Variants in FNIP2 observed in about 807,000 individuals in gnomAD.
FNIP2 encodes folliculin interacting protein 2.
A neutral mutation model predicts 108.7 loss-of-function variants in FNIP2; 32 were observed. The observed-to-expected ratio is 0.29, with a 90% CI of 0.22 to 0.40. FNIP2 has a LOEUF of 0.40. FNIP2 is among the 10% of genes least tolerant of loss of function. The pLI, the probability that FNIP2 is intolerant of heterozygous loss-of-function variation, is 1.00. For missense variants in FNIP2, 1,202 were observed against 1,381.6 expected, an observed-to-expected ratio of 0.87 and a Z score of 2.06; for synonymous variants, 480 against 496.7, an observed-to-expected ratio of 0.97 and a Z score of 0.45.
At chr4:158,786,679 G>T (rs911393246) in intron 1 of FNIP2, among the ~76,000 whole-genome samples, 2 of 152,122 alleles carry the variant, frequency 1.3e-5, no homozygotes, top group African/African-American at 4.8e-5. Flanking sequence ...AAAAAAAACA[G>T]CTCGGTTTGG....
In FNIP2 at chr4:158,868,098, C is replaced by G. The variant is rs752220453; in HGVS notation, c.1466-4C>G. On this transcript the variant is annotated splice_polypyrimidine_tract_variant and splice_region_variant and intron_variant, in intron 12 of 16. Transcript: ENST00000264433. The surrounding 1 kb of genome is among the most constrained non-coding windows in gnomAD (Gnocchi z 4.6). ...CTGCCTTTGTGTCCACCTTTGCTCT[C>G]TAGGTGATCTTTACGGAGCCATAGG... 1.1e-5 allele frequency: 17 copies of G among 1,612,900 alleles called. No individual in the cohort carries two copies. In the African/African-American group the frequency reaches 1.3e-4, roughly 13 times the overall value.
chr4:158,882,184 C>T (rs1312609904), intron 14 of FNIP2, among the ~76,000 whole-genome samples: 1 of 151,280 alleles, frequency 6.6e-6, no homozygotes, highest in South Asian at 2.1e-4. Flanking sequence ...AGCCCCTCCG[C>T]CCAGCAGCCG....
chr4:158,788,685 A>G (rs1560754700), intron 1 of FNIP2, among the ~76,000 whole-genome samples: 1 of 152,236 alleles, frequency 6.6e-6, no homozygotes, highest in African/African-American at 2.4e-5. Context: ...TTCTTTAAGA[A>G]AAAGTAGGTT....
At chr4:158,842,138 ATATTTATC>A (rs1419598088) in intron 7 of FNIP2, among the ~76,000 whole-genome samples, 1 of 152,114 alleles carries the variant, frequency 6.6e-6, no homozygotes, top group Non-Finnish European at 1.5e-5. Context: ...CCTGGCATGG[ATATTTATC>A]TTTTTCATTT....
intron 15 of FNIP2, among the ~76,000 whole-genome samples, chr4:158,892,849 A>G (rs1782370987): frequency 6.6e-6 from 1 of 152,230 alleles, no homozygotes; most frequent in South Asian, 2.1e-4. Flanking sequence ...CAAAGCAGGA[A>G]GTTTTTAAAT....
At chr4:158,789,824 T>TATTA (rs1776345981) in intron 1 of FNIP2, among the ~76,000 whole-genome samples, 3 of 20,104 alleles carry the variant, frequency 1.5e-4, no homozygotes. Context: ...AGGGTTGTGG[T>TATTA]AGCCTGGCAG....
chr4:158,792,253 G>C (rs1307174446), intron 1 of FNIP2, among the ~76,000 whole-genome samples: 3 of 152,170 alleles, frequency 2.0e-5, no homozygotes, highest in Non-Finnish European at 4.4e-5. Context: ...TATGCAGAGT[G>C]GCAAAATATT....
intron 1 of FNIP2, among the ~76,000 whole-genome samples, chr4:158,783,648 A>G (rs1273349874): frequency 6.6e-6 from 1 of 152,012 alleles, no homozygotes; most frequent in East Asian, 1.9e-4. Flanking sequence ...TCCGTTCACC[A>G]TCAGATTAGT....
intron 14 of FNIP2, among the ~76,000 whole-genome samples, chr4:158,875,204 A>G (rs1334574058): frequency 6.6e-6 from 1 of 152,132 alleles, no homozygotes; most frequent in Non-Finnish European, 1.5e-5. Context: ...GAATGATTGA[A>G]CAGAACCTGT....
Position 158,868,779 on chromosome 4 carries a change from G to T in FNIP2, c.2143G>T (p.Glu715Ter). Reference protein sequence around the residue: ...DRHLREKPSLEKVTFQIGSFA... With the variant: ...DRHLREKPSL ...ACATCTCCGGGAGAAACCTTCCTTA[G>T]AAAAGGTCACTTTCCAGATTGGAAG... is the stretch of plus-strand genomic sequence containing the variant. Residue 715 changes from glutamate (E) to a stop codon, truncating the protein, a stop_gained, in exon 13 of 17, where the codon GAA becomes TAA. Coordinates refer to ENST00000264433, the MANE Select transcript of FNIP2 (RefSeq NM_020840.3). LOFTEE classifies it high-confidence loss of function. This position sits in a 1 kb window ranked among gnomAD's most constrained non-coding sequence, Gnocchi z 4.6. 6.2e-7 allele frequency: 1 copy of T among 1,613,804 alleles called. No homozygotes were observed. Among genetic ancestry groups the T allele is most frequent in the East Asian group, 2.2e-5 (1 of 44,882 alleles).
Position 158,870,305 on chromosome 4 carries a change from T to C in FNIP2, c.2793-8T>C, listed in dbSNP as rs769477425. On this transcript the variant is annotated splice_polypyrimidine_tract_variant and splice_region_variant and intron_variant, in intron 13 of 16. Coordinates refer to ENST00000264433, the MANE Select transcript of FNIP2 (RefSeq NM_020840.3). ...CTGTGCATTTTAATGGGCCACATGT[T>C]GTTTTAGGTCTCAGAGCATCAGCAC... is the stretch of plus-strand genomic sequence containing the variant. 2.5e-6 allele frequency: 4 copies of C among 1,610,302 alleles called. No individual in the cohort carries two copies. In the African/African-American group the frequency reaches 4.0e-5, roughly 16 times the overall value.
rs554712576 is a variant in FNIP2 at position 158,779,794 on chromosome 4, C to G, written c.107+10475C>G. ...GGGGTGGTCTCACTGTGTTGCCCAG[C>G]GTAGTCTTGAACTCCAGGGCTCAAG... is the stretch of plus-strand genomic sequence containing the variant. On this transcript the variant is annotated intron_variant, in intron 1 of 16. Coordinates refer to ENST00000264433, the MANE Select transcript of FNIP2 (RefSeq NM_020840.3). Among the ~76,000 whole-genome samples, 3 of 149,206 alleles carry G rather than the reference C, an allele frequency of 2.0e-5. No homozygotes were observed. In the East Asian group the frequency reaches 5.9e-4, roughly 29 times the overall value.
rs34074378 is a variant in FNIP2 at position 158,866,221 on chromosome 4, C to CTTTT, written c.1466-1869_1466-1866dup. On this transcript the variant is annotated intron_variant, in intron 12 of 16. Transcript: ENST00000264433. ...GATTTGTTCCAATATTCTGGTTATT[C>CTTTT]TTTTTTTTTTTTTTTGAGACAGAGT... 1.2e-4 allele frequency among the ~76,000 whole-genome samples: 7 copies of CTTTT among 59,764 alleles called. 2 individuals are homozygous for CTTTT. The highest frequency in any genetic ancestry group is 1.0e-3 in the Admixed American group (3 of 2,886). 39.2% of individuals were successfully genotyped at this position (59,764 alleles called of 152,430 possible).
chr4:158,855,649 T>C (rs1409872203), intron 8 of FNIP2, among the ~76,000 whole-genome samples: 4 of 152,136 alleles, frequency 2.6e-5, no homozygotes, highest in Non-Finnish European at 5.9e-5. Flanking sequence ...AGTTTCACCA[T>C]GTTGGCCAGG....
chr4:158,825,658 T>C (rs1458848907), intron 1 of FNIP2, among the ~76,000 whole-genome samples: 1 of 152,256 alleles, frequency 6.6e-6, no homozygotes, highest in East Asian at 1.9e-4. Context: ...AAGCTTTCTC[T>C]CCAGTGATTT....
chr4:158,790,947 A>G (rs1776393330), intron 1 of FNIP2, among the ~76,000 whole-genome samples: 1 of 152,082 alleles, frequency 6.6e-6, no homozygotes, highest in South Asian at 2.1e-4. Flanking sequence ...TGTGCTCATA[A>G]TTTTTAAATT....
Position 158,769,272 on chromosome 4 carries a change from G to A in FNIP2, c.60G>A (p.Ala20=). 1 of 1,543,478 alleles carries A rather than the reference G, an allele frequency of 6.5e-7. No homozygotes were observed. The highest frequency in any genetic ancestry group is 8.7e-7 in the Non-Finnish European group (1 of 1,148,828). Residue 20 remains alanine (A), a synonymous_variant, in exon 1 of 17, where the codon GCG becomes GCA. Coordinates refer to ENST00000264433, the MANE Select transcript of FNIP2 (RefSeq NM_020840.3). The part of the protein sequence containing the change: ...FNKRGSSGSS[A]AASAQGRAPK... Reference sequence around the variant, plus strand: ...AAAGGGGCAGCAGCGGCAGCTCCGCGGCGGCGTCTGCCCAGGGCAGGGCTC... The same window carrying A: ...AAAGGGGCAGCAGCGGCAGCTCCGCAGCGGCGTCTGCCCAGGGCAGGGCTC...
At chr4:158,832,159 T>C in intron 5 of FNIP2, 21 bp downstream of exon 5, 1 of 1,584,920 alleles carries the variant, frequency 6.3e-7, no homozygotes, top group African/African-American at 1.3e-5. Context: ...GATTTTGCAT[T>C]CCCCACCCCC....
intron 1 of FNIP2, among the ~76,000 whole-genome samples, chr4:158,819,441 T>C (rs1169095913): frequency 1.3e-5 from 2 of 152,208 alleles, no homozygotes; most frequent in African/African-American, 4.8e-5. Context: ...TATTAAAGCT[T>C]CTGATAAGAA....
Sources: allele counts gnomAD v4.1 joint callset (sites outside exome capture counted in the v4.1 genomes callset), GRCh38; gene constraint gnomAD v4.1.1; non-coding constraint Gnocchi (gnomAD v3.1); transcripts MANE v1.5; gene names NCBI Gene and HGNC (gene_info 2026-07-23, HGNC 2026-07-21).